The following IQCH variants were observed in gnomAD, a reference collection of about 807,000 sequenced individuals.
IQCH encodes IQ domain-containing protein H.
A neutral mutation model predicts 117.0 loss-of-function variants in IQCH; 98 were observed. The ratio of observed to expected loss-of-function variants is 0.84; its 90% CI spans 0.71 to 0.99. The LOEUF (loss-of-function observed/expected upper bound fraction) is 0.99. Ranked by LOEUF, IQCH falls within the 50% of genes least tolerant of loss-of-function variation. The pLI is 0.00. For missense variants in IQCH, 1,102 were observed against 1,243.8 expected, an observed-to-expected ratio of 0.89 and a Z score of 1.72; for synonymous variants, 412 against 448.2, an observed-to-expected ratio of 0.92 and a Z score of 1.02.
At chr15:67,328,904 A>G (rs1360785465) in intron 4 of IQCH, among the ~76,000 whole-genome samples, 1 of 152,214 alleles carries the variant, frequency 6.6e-6, no homozygotes, top group Non-Finnish European at 1.5e-5. Flanking sequence ...GAGGGAGCAC[A>G]CAAGGGGCTT....
intron 4 of IQCH, among the ~76,000 whole-genome samples, chr15:67,286,616 G>GTATGTATT (rs1567066042): frequency 2.5e-5 from 3 of 120,468 alleles, no homozygotes; most frequent in South Asian, 6.1e-4. Context: ...ATTTATTTAT[G>GTATGTATT]TATTTATTTA....
chr15:67,350,213 G>A (rs1397184301), intron 6 of IQCH, among the ~76,000 whole-genome samples: 1 of 152,156 alleles, frequency 6.6e-6, no homozygotes, highest in Non-Finnish European at 1.5e-5. Context: ...GCTGATACAT[G>A]CACAATACAG....
intron 4 of IQCH, among the ~76,000 whole-genome samples, chr15:67,333,994 G>A (rs1004640946): frequency 1.3e-5 from 2 of 152,056 alleles, no homozygotes; most frequent in Middle Eastern, 3.2e-3. Context: ...GGAGGTGAAG[G>A]CTGCAATGAG....
intron 18 of IQCH, among the ~76,000 whole-genome samples, chr15:67,487,457 C>CAT (rs947916233): frequency 6.6e-6 from 1 of 150,506 alleles, no homozygotes; most frequent in Non-Finnish European, 1.5e-5. Context: ...CACACACACA[C>CAT]AACCCTCATT....
Position 67,427,463 on chromosome 15 carries a change from G to A in IQCH, c.2505+5886G>A, listed in dbSNP as rs775980997. ...ACTCCTGGCCTTGAGCCATCCTCCT[G>A]CCTTGGCCTCCCAAAGTGCTTGGAT... On this transcript the variant is annotated intron_variant, in intron 16 of 20. Coordinates refer to ENST00000335894, the MANE Select transcript of IQCH (RefSeq NM_001031715.3). This position sits in a 1 kb window ranked among gnomAD's most constrained non-coding sequence, Gnocchi z 4.7. Among the ~76,000 whole-genome samples, 3 of 151,652 alleles carry A rather than the reference G, an allele frequency of 2.0e-5. No individual in the cohort carries two copies.
chr15:67,273,519 A>G (rs1965993048), intron 3 of IQCH, among the ~76,000 whole-genome samples: 1 of 152,252 alleles, frequency 6.6e-6, no homozygotes, highest in Non-Finnish European at 1.5e-5. Flanking sequence ...ACTAAAAAAT[A>G]ATAGAAACAA....
intron 4 of IQCH, among the ~76,000 whole-genome samples, chr15:67,323,951 T>C (rs1968269777): frequency 7.0e-6 from 1 of 142,830 alleles, no homozygotes; most frequent in Non-Finnish European, 1.5e-5. Context: ...TTTTTTTTTT[T>C]TTTTTTTTTT....
rs73485245 is a variant in IQCH at position 67,393,770 on chromosome 15, C to A, written c.1633-1521C>A. 3.1e-3 allele frequency among the ~76,000 whole-genome samples: 473 copies of A among 152,186 alleles called. 2 individuals carry two copies. Among genetic ancestry groups the A allele is most frequent in the African/African-American group, 0.011 (464 of 41,496 alleles). On this transcript the variant is annotated intron_variant, in intron 12 of 20. Coordinates refer to ENST00000335894, the MANE Select transcript of IQCH (RefSeq NM_001031715.3). The surrounding 1 kb of genome is among the most constrained non-coding windows in gnomAD (Gnocchi z 5.5). ...GCTCAAGTGATCTGCCTGCCATGGC[C>A]TCCCCTAAAGTACTGGGATTACAGG...
chr15:67,395,667 T>A lies in IQCH; in HGVS notation c.1905+104T>A. Reference sequence around the variant, plus strand: ...GGAGCCAGACCTACCCAATGAAGAATAGGTGGAATATTTGAGTTGATTTGA... The same window carrying A: ...GGAGCCAGACCTACCCAATGAAGAAAAGGTGGAATATTTGAGTTGATTTGA... On this transcript the variant is annotated intron_variant, in intron 13 of 20. Coordinates refer to ENST00000335894, the MANE Select transcript of IQCH (RefSeq NM_001031715.3). The surrounding 1 kb of genome is among the most constrained non-coding windows in gnomAD (Gnocchi z 4.0). 1.2e-6 allele frequency: 1 copy of A among 851,320 alleles called. No homozygotes were observed. Among genetic ancestry groups the A allele is most frequent in the Non-Finnish European group, 1.8e-6 (1 of 549,898 alleles). The allele number at this position is 851,320 out of a possible 1,614,324, so 52.7% of individuals were successfully genotyped here. A position where few individuals can be genotyped will look rare whatever the true frequency, so the allele number is the denominator to read the frequency against.
rs1487337241 is a variant in IQCH at position 67,463,220 on chromosome 15, TAA to T, written c.2506-1906_2506-1905del. Among the ~76,000 whole-genome samples the T allele has an allele frequency of 2.6e-5, 4 of 152,232 alleles. No homozygotes were observed. The highest frequency in any genetic ancestry group is 9.6e-5 in the African/African-American group (4 of 41,456). On this transcript the variant is annotated intron_variant, in intron 16 of 20. Coordinates refer to ENST00000335894, the MANE Select transcript of IQCH (RefSeq NM_001031715.3). This position sits in a 1 kb window ranked among gnomAD's most constrained non-coding sequence, Gnocchi z 4.0. ...AGGCCTTCTAGGAGGAAAAACTGTT[TAA>T]TCAAGTCTTCATGAAAATGTGTTAG... is the stretch of plus-strand genomic sequence containing the variant.
In IQCH at chr15:67,476,502, A is replaced by G. The variant is rs1246483762; in HGVS notation, c.2799+684A>G. On this transcript the variant is annotated intron_variant, in intron 18 of 20. Coordinates refer to ENST00000335894, the MANE Select transcript of IQCH (RefSeq NM_001031715.3). This position sits in a 1 kb window ranked among gnomAD's most constrained non-coding sequence, Gnocchi z 4.1. ...ACAGTCACTTGGAAGGTCAGGACAC[A>G]ATTCAGTCCATAGCATCCTCCTACT... is the stretch of plus-strand genomic sequence containing the variant. 1.3e-5 allele frequency among the ~76,000 whole-genome samples: 2 copies of G among 152,214 alleles called. No homozygotes were observed. The highest frequency in any genetic ancestry group is 2.4e-5 in the African/African-American group (1 of 41,456).
At chr15:67,337,272 C>G (rs1190608284) in intron 5 of IQCH, among the ~76,000 whole-genome samples, 177 bp downstream of exon 5, 2 of 152,116 alleles carry the variant, frequency 1.3e-5, no homozygotes, top group Non-Finnish European at 2.9e-5. Context: ...AAAGGTTGGA[C>G]AAGACGATCA....
rs1390948361 is a variant in IQCH at position 67,425,534 on chromosome 15, C to A, written c.2505+3957C>A. Reference sequence around the variant, plus strand: ...GGCTAAGGCAGGAGAATCACTTGAACCCAGGAGGTGGAGGTTGCAGTGAGC... The same window carrying A: ...GGCTAAGGCAGGAGAATCACTTGAAACCAGGAGGTGGAGGTTGCAGTGAGC... On this transcript the variant is annotated intron_variant, in intron 16 of 20. Transcript: ENST00000335894. The surrounding 1 kb of genome is among the most constrained non-coding windows in gnomAD (Gnocchi z 5.5). Among the ~76,000 whole-genome samples, 1 of 152,122 alleles carries A rather than the reference C, an allele frequency of 6.6e-6. No homozygotes were observed.
At chr15:67,412,335 T>A (rs985507246) in intron 14 of IQCH, among the ~76,000 whole-genome samples, 3 of 152,202 alleles carry the variant, frequency 2.0e-5, no homozygotes, top group African/African-American at 7.2e-5. Context: ...CCATCGTCCA[T>A]CACCTTGTTG....
At position 67,458,263 on chromosome 15, in the gene IQCH, G is replaced by C. The variant is rs771136877; in HGVS notation, c.2506-6864G>C. On this transcript the variant is annotated intron_variant, in intron 16 of 20. Coordinates refer to ENST00000335894, the MANE Select transcript of IQCH (RefSeq NM_001031715.3). This position sits in a 1 kb window ranked among gnomAD's most constrained non-coding sequence, Gnocchi z 4.1. ...CTGGCATTCTGCCCCAGTGGGAAAT[G>C]GTAATGCTATTCTTCCATTTTCTTC... 1.3e-5 allele frequency among the ~76,000 whole-genome samples: 2 copies of C among 152,234 alleles called. No individual in the cohort carries two copies. The highest frequency in any genetic ancestry group is 2.9e-5 in the Non-Finnish European group (2 of 68,042).
chr15:67,254,804 C>A lies in IQCH; in HGVS notation c.-93C>A, dbSNP rs1567038326. The stretch of plus-strand genomic sequence containing the variant: ...CCAGCGTGGAACAGGCCAGGTCGCG[C>A]GCGGTGTTGCCATGGGGACGAGCGG... On this transcript the variant is annotated 5_prime_UTR_variant, in exon 1 of 21. Coordinates refer to ENST00000335894, the MANE Select transcript of IQCH (RefSeq NM_001031715.3). The A allele has an allele frequency of 7.1e-6, 10 of 1,417,036 alleles. No individual in the cohort carries two copies. Among genetic ancestry groups the A allele is most frequent in the Non-Finnish European group, 9.8e-6 (10 of 1,020,686 alleles). 87.8% of individuals were successfully genotyped at this position (1,417,036 alleles called of 1,614,324 possible).
chr15:67,279,007 G>C (rs1966241585), intron 3 of IQCH, among the ~76,000 whole-genome samples: 1 of 152,040 alleles, frequency 6.6e-6, no homozygotes, highest in Non-Finnish European at 1.5e-5. Context: ...TAATCACTTA[G>C]GGACCATCAT....
chr15:67,289,669 T>C (rs1966686191), intron 4 of IQCH, among the ~76,000 whole-genome samples: 1 of 152,162 alleles, frequency 6.6e-6, no homozygotes. Context: ...GGCAGCTGAA[T>C]GTACCTACAC....
chr15:67,312,175 A>G lies in IQCH; in HGVS notation c.388-24800A>G, dbSNP rs528702158. On this transcript the variant is annotated intron_variant, in intron 4 of 20. Transcript: ENST00000335894. ...AGGCACAGAGACCTGTGTCACATCT[A>G]TGGTAGGTTTAGGGTACAGGGGTCC... Among the ~76,000 whole-genome samples the G allele has an allele frequency of 2.9e-3, 439 of 152,268 alleles. 3 individuals are homozygous for G. The highest frequency in any genetic ancestry group is 0.017 in the Middle Eastern group (5 of 294).
Sources: gnomAD v4.1 joint callset for allele counts (sites outside exome capture counted in the v4.1 genomes callset) on GRCh38, gnomAD v4.1.1 for gene constraint, Gnocchi (gnomAD v3.1) non-coding constraint, MANE v1.5 for transcripts, NCBI Gene and HGNC (gene_info 2026-07-23, HGNC 2026-07-21) for gene names.